The following ARPC1A variants were observed in gnomAD, a reference collection of about 807,000 sequenced individuals.
ARPC1A encodes actin-related protein 2/3 complex subunit 1A.
Under a neutral mutation model 46.9 loss-of-function variants are expected in ARPC1A, and 8 were observed. The observed-to-expected ratio is 0.17, with a 90% CI of 0.10 to 0.31. The LOEUF (loss-of-function observed/expected upper bound fraction) is 0.31. Ranked by LOEUF, ARPC1A falls within the 10% of genes least tolerant of loss-of-function variation. The pLI is 1.00. For synonymous variants in ARPC1A, 152 were observed against 169.0 expected (o/e 0.90, Z 0.78); for missense variants, 286 against 483.6 (o/e 0.59, Z 3.83).
intron 1 of ARPC1A, among the ~76,000 whole-genome samples, chr7:99,329,961 G>A (rs1793117546): frequency 6.6e-6 from 1 of 151,896 alleles, no homozygotes; most frequent in Admixed American, 6.6e-5. Flanking sequence ...ATGTTATTTT[G>A]AGTAGCTGTT....
In ARPC1A at chr7:99,344,474, A is replaced by G. The variant is rs1793406969; in HGVS notation, c.351A>G (p.Ala117=). Residue 117 remains alanine (A), a synonymous_variant, in exon 4 of 10, where the codon GCA becomes GCG. Coordinates refer to ENST00000262942, the MANE Select transcript of ARPC1A (RefSeq NM_006409.4). ...LENKFAVGSG[A]RLISVCYFES... is the part of the protein sequence containing the mutation. ...ACAAATTTGCTGTGGGAAGTGGAGC[A>G]CGACTCATTTCTGTTTGTTACTTTG... 2 of 1,613,872 alleles carry G rather than the reference A, an allele frequency of 1.2e-6. No homozygotes were observed. Among genetic ancestry groups the G allele is most frequent in the Admixed American group, 1.7e-5 (1 of 59,986 alleles).
chr7:99,356,390 A>T (rs1226265313), intron 6 of ARPC1A, among the ~76,000 whole-genome samples: 2 of 142,726 alleles, frequency 1.4e-5, no homozygotes, highest in Non-Finnish European at 3.1e-5. Context: ...GGATCACCTC[A>T]GGTAAGGAGT....
chr7:99,365,766 T>G, intron 9 of ARPC1A, 125 bp from the exon 10 acceptor site: 1 of 997,500 alleles, frequency 1.0e-6, no homozygotes, highest in Middle Eastern at 2.1e-4. Flanking sequence ...CTGTTTCAGG[T>G]GGGGCAGGGC....
intron 3 of ARPC1A, 93 bp downstream of exon 3, chr7:99,338,378 ATTTT>A (rs754747240): frequency 0.013 from 3,250 of 242,002 alleles, 45 homozygotes; most frequent in African/African-American, 0.09. Flanking sequence ...GGTGGCCATA[ATTTT>A]TTTTTTTTTT....
chr7:99,358,087 C>T (rs1793672755), intron 6 of ARPC1A, among the ~76,000 whole-genome samples: 2 of 152,066 alleles, frequency 1.3e-5, no homozygotes, highest in Non-Finnish European at 2.9e-5. Context: ...GGTGGAAGGG[C>T]GTGATGCAAA....
intron 4 of ARPC1A, among the ~76,000 whole-genome samples, chr7:99,348,606 C>T (rs544512054): frequency 6.6e-6 from 1 of 152,124 alleles, no homozygotes; most frequent in Non-Finnish European, 1.5e-5. Context: ...TTGTCTCTGG[C>T]AGAAGGCCTG....
At chr7:99,339,570 A>G (rs1231050207) in intron 3 of ARPC1A, among the ~76,000 whole-genome samples, 1 of 152,232 alleles carries the variant, frequency 6.6e-6, no homozygotes, top group East Asian at 1.9e-4. Flanking sequence ...ACTATTGACT[A>G]GTATTTTTTT....
At chr7:99,343,830 A>T (rs956082884) in intron 3 of ARPC1A, among the ~76,000 whole-genome samples, 30 of 152,166 alleles carry the variant, frequency 2.0e-4, no homozygotes, top group African/African-American at 7.0e-4. Flanking sequence ...TACACTAAAG[A>T]TTATTTTTAT....
intron 2 of ARPC1A, among the ~76,000 whole-genome samples, chr7:99,335,276 A>G (rs537984160): frequency 1.3e-5 from 2 of 152,288 alleles, no homozygotes; most frequent in East Asian, 3.9e-4. Flanking sequence ...CTTAGTGGGC[A>G]TGAGCCACCA....
At position 99,354,097 on chromosome 7, in the gene ARPC1A, T is replaced by C. The variant is rs147646339; in HGVS notation, c.689T>C (p.Val230Ala). 6 of 1,614,000 alleles carry C rather than the reference T, an allele frequency of 3.7e-6. No homozygotes were observed. The highest frequency in any genetic ancestry group is 5.1e-6 in the Non-Finnish European group (6 of 1,179,900). The change falls in exon 6 of 10, where the codon GTT (valine) becomes GCT (alanine). Residue 230 changes from valine to alanine, a missense_variant. Around this residue, in one of 5 missense-constraint regions of ARPC1A, gnomAD observed 182 missense variants for 276.7 expected, o/e 0.66. Coordinates refer to ENST00000262942, the MANE Select transcript of ARPC1A (RefSeq NM_006409.4). Reference protein sequence around the residue: ...AWVSHDSTVSVADASKSVQVS... With the variant: ...AWVSHDSTVSAADASKSVQVS... ...GTCAGCCACGACAGCACCGTGTCTG[T>C]TGCTGATGCCTCAAAAAGTGTGCAG...
chr7:99,339,194 A>G (rs1303458237), intron 3 of ARPC1A, among the ~76,000 whole-genome samples: 1 of 152,178 alleles, frequency 6.6e-6, no homozygotes, highest in East Asian at 1.9e-4. Context: ...AAGGCAGACT[A>G]TAATTTGCTA....
intron 5 of ARPC1A, among the ~76,000 whole-genome samples, chr7:99,351,035 AAG>A (rs1037296829): frequency 6.6e-6 from 1 of 151,982 alleles, no homozygotes; most frequent in African/African-American, 2.4e-5. Context: ...TTAAAAAAAA[AAG>A]AGAGAGAGAT....
At chr7:99,365,035 C>T (rs188823836) in intron 9 of ARPC1A, among the ~76,000 whole-genome samples, 2 of 152,240 alleles carry the variant, frequency 1.3e-5, no homozygotes, top group Admixed American at 6.5e-5. Context: ...AAGACACAGG[C>T]GAGCATCCTC....
At chr7:99,331,267 T>C (rs1793139563) in intron 1 of ARPC1A, among the ~76,000 whole-genome samples, 1 of 152,006 alleles carries the variant, frequency 6.6e-6, no homozygotes, top group African/African-American at 2.4e-5. Context: ...TGGTGGTGCA[T>C]GCTTGTAGCC....
intron 3 of ARPC1A, among the ~76,000 whole-genome samples, chr7:99,340,868 A>G (rs764927814): frequency 2.0e-5 from 3 of 152,216 alleles, no homozygotes; most frequent in South Asian, 2.1e-4. Flanking sequence ...GTAGCTGAGT[A>G]TATTTCCAAA....
At chr7:99,365,628 A>G (rs1361088054) in intron 9 of ARPC1A, among the ~76,000 whole-genome samples, 1 of 151,534 alleles carries the variant, frequency 6.6e-6, no homozygotes, top group Non-Finnish European at 1.5e-5. Context: ...AAAAAAAAAA[A>G]AAGAGGAGTG....
At chr7:99,342,661 T>A (rs561025661) in intron 3 of ARPC1A, among the ~76,000 whole-genome samples, 13 of 151,956 alleles carry the variant, frequency 8.6e-5, no homozygotes, top group African/African-American at 3.1e-4. Context: ...GTACAAAAAA[T>A]TGAGCTGATA....
At chr7:99,346,474 C>T (rs1167328137) in intron 4 of ARPC1A, among the ~76,000 whole-genome samples, 1 of 152,104 alleles carries the variant, frequency 6.6e-6, no homozygotes, top group African/African-American at 2.4e-5. Context: ...CATTTTTATT[C>T]GTTGAGAATT....
intron 9 of ARPC1A, 116 bp downstream of exon 9, chr7:99,363,749 A>G: frequency 1.4e-6 from 1 of 713,928 alleles, no homozygotes; most frequent in East Asian, 2.8e-5. Flanking sequence ...ATCATGGCTC[A>G]CTGCAGCCAC....
Sources: allele counts gnomAD v4.1 joint callset (sites outside exome capture counted in the v4.1 genomes callset), GRCh38; gene constraint gnomAD v4.1.1; regional missense constraint gnomAD v4.1.1; transcripts MANE v1.5; gene names NCBI Gene and HGNC (gene_info 2026-07-23, HGNC 2026-07-21).